DLGAP2: variants seen among roughly 807,000 people sequenced by gnomAD.
DLGAP2 encodes DLG associated protein 2.
A neutral mutation model predicts 100.3 loss-of-function variants in DLGAP2; 26 were observed. The ratio of observed to expected loss-of-function variants is 0.26; its 90% CI spans 0.19 to 0.36. The LOEUF (loss-of-function observed/expected upper bound fraction) is 0.36. DLGAP2 is among the 10% of genes least tolerant of loss of function. The pLI, the probability that DLGAP2 is intolerant of heterozygous loss-of-function variation, is 1.00. For missense variants in DLGAP2, 1,858 were observed against 1,453.2 expected (o/e 1.28, Z -4.53); for synonymous variants, 886 against 630.1 (o/e 1.41, Z -6.08).
chr8:1,232,512 C>T (rs1422289635), intron 2 of DLGAP2, among the ~76,000 whole-genome samples: 2 of 152,248 alleles, frequency 1.3e-5, no homozygotes, highest in South Asian at 2.1e-4. Context: ...AACTCCTTTC[C>T]TCTTGCATCA....
At chr8:1,158,020 G>A (rs1390620822) in intron 2 of DLGAP2, among the ~76,000 whole-genome samples, 1 of 152,252 alleles carries the variant, frequency 6.6e-6, no homozygotes, top group African/African-American at 2.4e-5. Context: ...GGGCACCAAA[G>A]TGGTTAAATC....
At chr8:1,293,896 T>A (rs1167497843) in intron 3 of DLGAP2, among the ~76,000 whole-genome samples, 2 of 152,230 alleles carry the variant, frequency 1.3e-5, no homozygotes, top group African/African-American at 4.8e-5. Context: ...GAAACAGATG[T>A]GCTGAGGTCC....
intron 2 of DLGAP2, among the ~76,000 whole-genome samples, chr8:1,025,247 C>T (rs753026668): frequency 2.6e-5 from 4 of 152,122 alleles, no homozygotes; most frequent in Non-Finnish European, 5.9e-5. Context: ...CAAGCAAACA[C>T]GGTGCCGCCC....
intron 2 of DLGAP2, among the ~76,000 whole-genome samples, chr8:1,191,048 C>G (rs1258162248): frequency 6.6e-6 from 1 of 152,164 alleles, no homozygotes; most frequent in African/African-American, 2.4e-5. Flanking sequence ...ATGACCCTGC[C>G]ACATCCCACG....
chr8:834,829 A>T (rs1796842637), intron 1 of DLGAP2, among the ~76,000 whole-genome samples: 1 of 152,140 alleles, frequency 6.6e-6, no homozygotes, highest in South Asian at 2.1e-4. Context: ...CATGTAACAA[A>T]CCTGCACATG....
intron 7 of DLGAP2, among the ~76,000 whole-genome samples, chr8:1,632,122 G>A (rs892332423): frequency 6.6e-6 from 1 of 151,754 alleles, no homozygotes; most frequent in Non-Finnish European, 1.5e-5. Context: ...GGGAGGATGG[G>A]AGGGAGGGGA....
At chr8:1,302,524 C>G (rs1020310675) in intron 3 of DLGAP2, 1 of 151,870 alleles carries the variant, frequency 6.6e-6, no homozygotes, top group Non-Finnish European at 1.5e-5. Flanking sequence ...TTCTCGAGCT[C>G]TGCTCCATAC....
chr8:1,041,810 G>T (rs1802360194), intron 2 of DLGAP2, among the ~76,000 whole-genome samples: 1 of 151,684 alleles, frequency 6.6e-6, no homozygotes. Flanking sequence ...TGTCGTGGGT[G>T]AGTGTTCTCC....
intron 2 of DLGAP2, among the ~76,000 whole-genome samples, chr8:965,530 C>T (rs1373996676): frequency 5.9e-5 from 8 of 135,772 alleles, no homozygotes; most frequent in Non-Finnish European, 9.4e-5. Context: ...GCGCTGCACA[C>T]GGCACTGTTC....
intron 2 of DLGAP2, among the ~76,000 whole-genome samples, chr8:1,178,542 A>G (rs1240321579): frequency 6.6e-6 from 1 of 152,172 alleles, no homozygotes; most frequent in Admixed American, 6.5e-5. Context: ...TTCAACTGGG[A>G]TTTAACGAAA....
intron 3 of DLGAP2, among the ~76,000 whole-genome samples, chr8:1,480,426 C>T (rs1320995973): frequency 2.0e-5 from 3 of 152,190 alleles, no homozygotes; most frequent in East Asian, 1.9e-4. Flanking sequence ...TGGCAGGGCA[C>T]GTTCCCACAC....
At chr8:1,386,105 A>G (rs1316520527) in intron 3 of DLGAP2, among the ~76,000 whole-genome samples, 1 of 152,264 alleles carries the variant, frequency 6.6e-6, no homozygotes, top group Non-Finnish European at 1.5e-5. Flanking sequence ...GAAAACAGGA[A>G]AATGACAAAA....
In DLGAP2 at chr8:1,658,783, T is replaced by C. The variant is rs1162295159; in HGVS notation, c.1811-9546T>C. 2.0e-5 allele frequency among the ~76,000 whole-genome samples: 3 copies of C among 152,208 alleles called. No homozygotes were observed. In the East Asian group the frequency reaches 5.8e-4, roughly 29 times the overall value. ...CGGTCCATGTATTTTGTTGATCTTT[T>C]CCTGGATTCATTGATGTTTGGAAGG... is the stretch of plus-strand genomic sequence containing the variant. On this transcript the variant is annotated intron_variant, in intron 8 of 14. Coordinates refer to ENST00000637795, the MANE Select transcript of DLGAP2 (RefSeq NM_001346810.2).
chr8:1,344,131 G>GGTCCGTGTATTCGGGTCCCTGTCGTGA (rs1801493095), intron 3 of DLGAP2, among the ~76,000 whole-genome samples: 7 of 112,756 alleles, frequency 6.2e-5, no homozygotes, highest in Admixed American at 1.7e-4. Flanking sequence ...CCCTGTCGTG[G>GGTCCGTGTATTCGGGTCCCTGTCGTGA]GTCCGTGTAC....
chr8:884,976 G>T (rs1419937350), intron 1 of DLGAP2, among the ~76,000 whole-genome samples: 1 of 152,110 alleles, frequency 6.6e-6, no homozygotes, highest in Non-Finnish European at 1.5e-5. Context: ...TCTCTGTTCT[G>T]CTCCATTGGT....
At position 1,238,516 on chromosome 8, in the gene DLGAP2, T is replaced by TCTCA. The variant is rs1563272613; in HGVS notation, c.74-20334_74-20333insTCAC. ...TCACATGGCGCCGTGTCTAGTTCTC[T>TCTCA]CACATGGCGCCGTGTCTGGTTCTCT... On this transcript the variant is annotated intron_variant, in intron 2 of 14. Transcript: ENST00000637795. Among the ~76,000 whole-genome samples the TCTCA allele has an allele frequency of 7.7e-4, 101 of 131,282 alleles. 1 individual carries two copies. Among genetic ancestry groups the TCTCA allele is most frequent in the South Asian group, 3.8e-3 (12 of 3,182 alleles). 86.1% of individuals were successfully genotyped at this position (131,282 alleles called of 152,430 possible). A position where few individuals can be genotyped will look rare whatever the true frequency, so the allele number is the denominator to read the frequency against.
intron 1 of DLGAP2, among the ~76,000 whole-genome samples, chr8:905,175 C>T (rs1332259774): frequency 6.6e-6 from 1 of 152,128 alleles, no homozygotes; most frequent in Non-Finnish European, 1.5e-5. Flanking sequence ...TAAAGAGCTA[C>T]CTGGCGGGTT....
chr8:1,321,244 T>G (rs1800893855), intron 3 of DLGAP2, among the ~76,000 whole-genome samples: 1 of 151,602 alleles, frequency 6.6e-6, no homozygotes, highest in South Asian at 2.1e-4. Context: ...TGTCTCTGCA[T>G]GTGCACGTGC....
intron 4 of DLGAP2, among the ~76,000 whole-genome samples, chr8:1,516,009 GTGAGTGCATGAATGAGTGAGTGAA>G (rs1253423483): frequency 2.8e-5 from 3 of 107,192 alleles, no homozygotes; most frequent in Admixed American, 1.0e-4. Flanking sequence ...GAATGAGTGA[GTGAGTGCATGAATGAGTGAGTGAA>G]TGAGTAACTG....
Sources: allele counts gnomAD v4.1 joint callset (sites outside exome capture counted in the v4.1 genomes callset), GRCh38; gene constraint gnomAD v4.1.1; transcripts MANE v1.5; gene names NCBI Gene and HGNC (gene_info 2026-07-23, HGNC 2026-07-21).